PDS5B: variants seen among roughly 807,000 people sequenced by gnomAD.
PDS5B encodes the protein sister chromatid cohesion protein PDS5 homolog B.
Under a neutral mutation model 184.1 loss-of-function variants are expected in PDS5B, and 51 were observed. The observed-to-expected ratio is 0.28, with a 90% CI of 0.22 to 0.35. The LOEUF (loss-of-function observed/expected upper bound fraction) is 0.35. PDS5B is among the 10% of genes least tolerant of loss of function. The pLI is 1.00. For synonymous variants in PDS5B, 566 were observed against 569.2 expected, an observed-to-expected ratio of 0.99 and a Z score of 0.08; for missense variants, 1,180 against 1,723.3, an observed-to-expected ratio of 0.68 and a Z score of 5.58.
intron 1 of PDS5B, among the ~76,000 whole-genome samples, chr13:32,633,253 G>A (rs771120927): frequency 2.6e-5 from 4 of 152,110 alleles, no homozygotes; most frequent in Non-Finnish European, 4.4e-5. Context: ...GCACAATATT[G>A]TAAATATAAT....
intron 6 of PDS5B, among the ~76,000 whole-genome samples, chr13:32,661,821 T>G (rs1950657966): frequency 6.6e-6 from 1 of 152,182 alleles, no homozygotes; most frequent in Non-Finnish European, 1.5e-5. Context: ...CTAAACTGAT[T>G]ACTGACTTCT....
At chr13:32,645,982 G>A (rs1021300609) in intron 1 of PDS5B, among the ~76,000 whole-genome samples, 1 of 141,480 alleles carries the variant, frequency 7.1e-6, no homozygotes, top group Non-Finnish European at 1.6e-5. Context: ...ATGTGTGTGT[G>A]TGGGTGTGTG....
chr13:32,648,916 G>A, intron 2 of PDS5B, 36 bp downstream of exon 2: 1 of 924,484 alleles, frequency 1.1e-6, no homozygotes, highest in Non-Finnish European at 1.8e-6. Context: ...CATCTGTGTA[G>A]GGCAGAGGTC....
intron 10 of PDS5B, among the ~76,000 whole-genome samples, chr13:32,680,393 A>C (rs922498377): frequency 8.5e-5 from 13 of 152,214 alleles, no homozygotes; most frequent in Admixed American, 8.5e-4. Context: ...GGGAGCCCTT[A>C]GTTTAGATAC....
At chr13:32,615,791 T>C (rs73451428) in intron 1 of PDS5B, among the ~76,000 whole-genome samples, 1 of 152,206 alleles carries the variant, frequency 6.6e-6, no homozygotes, top group Non-Finnish European at 1.5e-5. Flanking sequence ...ATATAAATCA[T>C]AGAAAGTACA....
chr13:32,647,011 TTTTG>T (rs1249265237), intron 1 of PDS5B, among the ~76,000 whole-genome samples: 1 of 152,158 alleles, frequency 6.6e-6, no homozygotes, highest in Non-Finnish European at 1.5e-5. Context: ...GTGCTCTAAA[TTTTG>T]TTTGTTTTCT....
intron 9 of PDS5B, among the ~76,000 whole-genome samples, chr13:32,676,440 T>C (rs115976600): frequency 2.0e-3 from 309 of 152,292 alleles, no homozygotes; most frequent in African/African-American, 7.3e-3. Flanking sequence ...GTTTGAATGA[T>C]GCATAAAATC....
chr13:32,630,014 A>G (rs1267360634), intron 1 of PDS5B, among the ~76,000 whole-genome samples: 1 of 152,228 alleles, frequency 6.6e-6, no homozygotes, highest in Non-Finnish European at 1.5e-5. Context: ...CAACTAACTG[A>G]AAGTGAATGT....
intron 13 of PDS5B, 155 bp downstream of exon 13, chr13:32,688,724 G>A (rs1951464686): frequency 1.7e-6 from 1 of 586,388 alleles, no homozygotes; most frequent in Non-Finnish European, 3.1e-6. Context: ...TATTTTTTCA[G>A]AAAGTACCAC....
chr13:32,615,072 A>G (rs908195111), intron 1 of PDS5B, among the ~76,000 whole-genome samples: 2 of 152,222 alleles, frequency 1.3e-5, no homozygotes, highest in Admixed American at 6.5e-5. Flanking sequence ...CCGACACCAC[A>G]GAACCACCTC....
intron 29 of PDS5B, 108 bp from the exon 30 acceptor site, chr13:32,760,467 C>T: frequency 1.9e-6 from 2 of 1,030,190 alleles, no homozygotes; most frequent in Non-Finnish European, 1.4e-6. Flanking sequence ...ACACATTTTT[C>T]ATGATTTGTA....
At chr13:32,684,123 T>TTCAA in intron 11 of PDS5B, 100 bp downstream of exon 11, 1 of 503,730 alleles carries the variant, frequency 2.0e-6, no homozygotes, top group Non-Finnish European at 3.2e-6. Flanking sequence ...TAAATATAAT[T>TTCAA]AGCCTTTTTT....
At chr13:32,765,270 A>G (rs1954548003) in intron 31 of PDS5B, among the ~76,000 whole-genome samples, 3 of 152,022 alleles carry the variant, frequency 2.0e-5, no homozygotes, top group Non-Finnish European at 2.9e-5. Flanking sequence ...ATCAGAATCA[A>G]TTTTCTTATC....
chr13:32,682,584 A>C (rs1434421584), intron 10 of PDS5B, among the ~76,000 whole-genome samples: 1 of 152,110 alleles, frequency 6.6e-6, no homozygotes, highest in African/African-American at 2.4e-5. Context: ...ATTACTGTGA[A>C]TAGTCTTATA....
chr13:32,593,685 T>C (rs1303321808), intron 1 of PDS5B, among the ~76,000 whole-genome samples: 3 of 152,210 alleles, frequency 2.0e-5, no homozygotes, highest in Non-Finnish European at 2.9e-5. Context: ...GACAATGTTA[T>C]TAAGAAAATT....
chr13:32,618,189 T>G (rs2058246538), intron 1 of PDS5B, among the ~76,000 whole-genome samples: 1 of 152,196 alleles, frequency 6.6e-6, no homozygotes, highest in African/African-American at 2.4e-5. Flanking sequence ...ACATTGGTTG[T>G]TAAGTTTCAA....
chr13:32,721,274 C>A (rs1310503332), intron 19 of PDS5B, among the ~76,000 whole-genome samples: 1 of 151,018 alleles, frequency 6.6e-6, no homozygotes, highest in Non-Finnish European at 1.5e-5. Flanking sequence ...GGGGGCGCCC[C>A]CCACCTCCCA....
chr13:32,676,439 A>T (rs1951065199), intron 9 of PDS5B, among the ~76,000 whole-genome samples: 1 of 152,128 alleles, frequency 6.6e-6, no homozygotes, highest in Non-Finnish European at 1.5e-5. Flanking sequence ...GGTTTGAATG[A>T]TGCATAAAAT....
chr13:32,726,622 T>G (rs1317656218), intron 19 of PDS5B, among the ~76,000 whole-genome samples: 1 of 152,230 alleles, frequency 6.6e-6, no homozygotes, highest in Non-Finnish European at 1.5e-5. Context: ...TTCCTAACTC[T>G]GGTCATCTTC....
Sources: gnomAD v4.1 joint callset for allele counts (sites outside exome capture counted in the v4.1 genomes callset) on GRCh38, gnomAD v4.1.1 for gene constraint, MANE v1.5 for transcripts, NCBI Gene and HGNC (gene_info 2026-07-23, HGNC 2026-07-21) for gene names.